The following NRG1 variants were observed in gnomAD, a reference collection of about 807,000 sequenced individuals.
NRG1 encodes the protein neuregulin 1.
NRG1 carries 18 observed loss-of-function variants against 63.8 expected under a neutral mutation model. The observed-to-expected ratio is 0.28, with a 90% CI of 0.19 to 0.42. The LOEUF is 0.42. Among genes scored for constraint, NRG1 ranks in the 10% least tolerant of loss-of-function variants. The pLI is 1.00. For missense variants in NRG1, 762 were observed against 814.7 expected, an observed-to-expected ratio of 0.94 and a Z score of 0.79; for synonymous variants, 302 against 301.3, an observed-to-expected ratio of 1.00 and a Z score of -0.02.
At chr8:32,658,509 C>T (rs1802056802) in intron 5 of NRG1, among the ~76,000 whole-genome samples, 1 of 152,028 alleles carries the variant, frequency 6.6e-6, no homozygotes, top group African/African-American at 2.4e-5. Context: ...ACTAAATAAC[C>T]CAGACCTACG....
At chr8:32,503,783 C>T (rs938532538) in intron 1 of NRG1, among the ~76,000 whole-genome samples, 10 of 152,056 alleles carry the variant, frequency 6.6e-5, no homozygotes, top group Admixed American at 2.6e-4. Context: ...GAGACCGAGG[C>T]AAGTTTTAGA....
chr8:32,440,555 G>A (rs1025154010), intron 1 of NRG1, among the ~76,000 whole-genome samples: 2 of 152,106 alleles, frequency 1.3e-5, no homozygotes, highest in Admixed American at 1.3e-4. Context: ...TGGTCATCAT[G>A]CTATATACTA....
intron 1 of NRG1, among the ~76,000 whole-genome samples, chr8:31,941,082 G>GAGA (rs139257749): frequency 0.9 from 136,496 of 151,862 alleles, 62,136 homozygotes; most frequent in African/African-American, 0.97. Flanking sequence ...GCCAAAGCCA[G>GAGA]AGGACATAAC....
rs34243536 is a variant in NRG1, at chr8:32,497,446, C to CAA, written c.38-98365_38-98364dup. Reference sequence around the variant, plus strand: ...TGGGCGACAGAGAGAGATTTTGTATCAAAAAAAAAAAAAAAAAAGGAAAAT... The same window carrying CAA: ...TGGGCGACAGAGAGAGATTTTGTATCAAAAAAAAAAAAAAAAAAAAGGAAAAT... On this transcript the variant is annotated intron_variant, in intron 1 of 10. Transcript: ENST00000519301. 4.6e-3 allele frequency among the ~76,000 whole-genome samples: 554 copies of CAA among 119,522 alleles called. 2 individuals are homozygous for CAA. The highest frequency in any genetic ancestry group is 0.014 in the African/African-American group (442 of 32,152). 78.4% of individuals were successfully genotyped at this position (119,522 alleles called of 152,430 possible).
Position 31,873,477 on chromosome 8 carries a change from T to C in NRG1, c.37+234046T>C, listed in dbSNP as rs565933625. Among the ~76,000 whole-genome samples the C allele has an allele frequency of 2.6e-5, 4 of 152,256 alleles. No homozygotes were observed. In the South Asian group the frequency reaches 8.3e-4, roughly 32 times the overall value. ...GTGAGGCTGAGGCAGGAGAATCGCT[T>C]GAACCTGGGAGGCGGAGATTGCAGT... On this transcript the variant is annotated intron_variant, in intron 1 of 10. Coordinates refer to the NRG1 transcript ENST00000519301.
chr8:32,395,395 A>G (rs1026518020), intron 1 of NRG1, among the ~76,000 whole-genome samples: 1 of 152,156 alleles, frequency 6.6e-6, no homozygotes, highest in Non-Finnish European at 1.5e-5. Context: ...TTATCATGCA[A>G]TGACTGGCGT....
At chr8:32,710,301 A>G (rs889781780) in intron 5 of NRG1, among the ~76,000 whole-genome samples, 7 of 152,288 alleles carry the variant, frequency 4.6e-5, no homozygotes, top group African/African-American at 1.7e-4. Flanking sequence ...TCTCTTATAG[A>G]AATACTTTTT....
intron 1 of NRG1, among the ~76,000 whole-genome samples, chr8:32,147,109 A>T (rs955407030): frequency 3.9e-5 from 6 of 152,206 alleles, no homozygotes; most frequent in African/African-American, 1.4e-4. Flanking sequence ...AAGATTGGAA[A>T]GAGTAAATGA....
At chr8:31,922,759 A>T (rs2129618997) in intron 1 of NRG1, among the ~76,000 whole-genome samples, 1 of 152,342 alleles carries the variant, frequency 6.6e-6, no homozygotes, top group African/African-American at 2.4e-5. Context: ...TTCATGCAGT[A>T]GCTCAACATC....
chr8:32,732,502 C>A (rs1204797118), intron 6 of NRG1, among the ~76,000 whole-genome samples: 3 of 152,080 alleles, frequency 2.0e-5, no homozygotes, highest in Admixed American at 2.0e-4. Context: ...GTGCCTTCAT[C>A]TGGAGGGGAT....
chr8:32,731,711 A>G (rs3757931), intron 6 of NRG1, among the ~76,000 whole-genome samples: 4,593 of 152,328 alleles, frequency 0.03, 300 homozygotes, highest in East Asian at 0.28. Context: ...AAGACATAAT[A>G]TACTAGGTCT....
intron 1 of NRG1, among the ~76,000 whole-genome samples, chr8:32,331,234 G>A (rs1563323372): frequency 6.6e-6 from 1 of 151,914 alleles, no homozygotes; most frequent in Non-Finnish European, 1.5e-5. Flanking sequence ...AGCGGCTCAC[G>A]CCTGTAATCC....
At chr8:32,515,410 GAGA>G (rs756380875) in intron 1 of NRG1, among the ~76,000 whole-genome samples, 1 of 151,850 alleles carries the variant, frequency 6.6e-6, no homozygotes, top group Non-Finnish European at 1.5e-5. Flanking sequence ...GTCTTCTTTT[GAGA>G]AGAAGTGTCT....
intron 2 of NRG1, among the ~76,000 whole-genome samples, chr8:32,599,270 C>T (rs1173854954): frequency 6.6e-6 from 1 of 152,056 alleles, no homozygotes; most frequent in Non-Finnish European, 1.5e-5. Context: ...CTATGATCAA[C>T]CAAGCAGAGG....
intron 5 of NRG1, among the ~76,000 whole-genome samples, chr8:32,707,562 T>C (rs1036325941): frequency 6.6e-6 from 1 of 152,084 alleles, no homozygotes; most frequent in Non-Finnish European, 1.5e-5. Context: ...TTTACAATCA[T>C]ATGAGTGGGT....
chr8:32,099,656 G>A (rs1830320743), intron 1 of NRG1: 4 of 152,238 alleles, frequency 2.6e-5, no homozygotes, highest in Admixed American at 2.6e-4. Flanking sequence ...TGGAAGGTGA[G>A]AGTCTGAGGT....
At chr8:32,015,232 C>CA (rs1369536492) in intron 1 of NRG1, among the ~76,000 whole-genome samples, 5 of 152,040 alleles carry the variant, frequency 3.3e-5, no homozygotes, top group East Asian at 3.9e-4. Flanking sequence ...AGCCCCCAAA[C>CA]AAAAAAACTG....
At chr8:32,413,140 T>A (rs527986850) in intron 1 of NRG1, among the ~76,000 whole-genome samples, 62 of 152,326 alleles carry the variant, frequency 4.1e-4, no homozygotes, top group African/African-American at 7.0e-4. Flanking sequence ...GAATTTACCC[T>A]AAGTAATAAT....
At chr8:31,830,037 A>T (rs1482841105) in intron 1 of NRG1, among the ~76,000 whole-genome samples, 5 of 152,158 alleles carry the variant, frequency 3.3e-5, no homozygotes, top group Non-Finnish European at 7.4e-5. Flanking sequence ...TGGTGAGTTG[A>T]TCTGTTTTGA....
Sources: gnomAD v4.1 joint callset for allele counts (sites outside exome capture counted in the v4.1 genomes callset) on GRCh38, gnomAD v4.1.1 for gene constraint, MANE v1.5 for transcripts, NCBI Gene and HGNC (gene_info 2026-07-23, HGNC 2026-07-21) for gene names.